The following IL1RAPL1 variants were observed in gnomAD, a reference collection of about 807,000 sequenced individuals.
The protein encoded by IL1RAPL1 is interleukin-1 receptor accessory protein-like 1.
IL1RAPL1 carries 3 observed loss-of-function variants against 48.4 expected under a neutral mutation model. That is an observed-to-expected ratio of 0.06 (90% CI 0.03 to 0.16). IL1RAPL1 has a LOEUF of 0.16. Among genes scored for constraint, IL1RAPL1 ranks in the 10% least tolerant of loss-of-function variants. The pLI is 1.00. For synonymous variants in IL1RAPL1, 185 were observed against 187.7 expected (o/e 0.99, Z 0.12); for missense variants, 349 against 530.6 (o/e 0.66, Z 3.36).
intron 6 of IL1RAPL1, among the ~76,000 whole-genome samples, chrX:29,756,506 A>G (rs754841553): frequency 2.1e-4 from 23 of 110,940 alleles, no homozygotes; most frequent in Non-Finnish European, 4.0e-4. Flanking sequence ...TCTGCCTCCC[A>G]GGTTCAAGCG....
At chrX:29,114,802 G>A (rs1928644547) in intron 2 of IL1RAPL1, among the ~76,000 whole-genome samples, 1 of 109,929 alleles carries the variant, frequency 9.1e-6, no homozygotes. Context: ...GCTAATTTTT[G>A]TATTTTTAGT....
chrX:29,833,021 C>A (rs1930916645), intron 6 of IL1RAPL1, among the ~76,000 whole-genome samples: 1 of 111,267 alleles, frequency 9.0e-6, no homozygotes, highest in African/African-American at 3.3e-5. Context: ...TAAATACCCA[C>A]AACTACCCCC....
intron 2 of IL1RAPL1, among the ~76,000 whole-genome samples, chrX:28,972,382 A>G (rs769033521): frequency 1.8e-4 from 20 of 112,398 alleles, no homozygotes; most frequent in African/African-American, 5.5e-4. Flanking sequence ...CTTGATATAC[A>G]GAAAGATTAA....
chrX:28,990,400 T>C (rs1215529753), intron 2 of IL1RAPL1, among the ~76,000 whole-genome samples: 10 of 112,117 alleles, frequency 8.9e-5, no homozygotes, highest in Non-Finnish European at 1.3e-4. Flanking sequence ...TTCGTTGATC[T>C]GGATAGGAGA....
chrX:28,609,335 C>CA (rs1440729233), intron 1 of IL1RAPL1, among the ~76,000 whole-genome samples: 1 of 111,187 alleles, frequency 9.0e-6, no homozygotes. Context: ...CAAAAAGCCC[C>CA]AAGATCACTG....
intron 5 of IL1RAPL1, among the ~76,000 whole-genome samples, chrX:29,434,471 G>C (rs781737048): frequency 9.0e-6 from 1 of 110,690 alleles, no homozygotes; most frequent in Non-Finnish European, 1.9e-5. Flanking sequence ...ATATTTTAAC[G>C]TGCTGGTCAT....
chrX:29,273,808 C>T (rs1237957703), intron 2 of IL1RAPL1, among the ~76,000 whole-genome samples: 1 of 109,235 alleles, frequency 9.2e-6, no homozygotes, highest in African/African-American at 3.3e-5. Flanking sequence ...TGGTAGCATC[C>T]ATGCGTGTAT....
At chrX:29,080,964 CTTTCTTTCTTTCTT>C (rs1927799897) in intron 2 of IL1RAPL1, among the ~76,000 whole-genome samples, 3 of 41,539 alleles carry the variant, frequency 7.2e-5, no homozygotes, top group African/African-American at 3.6e-4. Context: ...TTCTTTCTTT[CTTTCTTTCTTTCTT>C]TCTTTCTTTC....
intron 2 of IL1RAPL1, among the ~76,000 whole-genome samples, chrX:29,058,200 C>T (rs945042198): frequency 9.1e-6 from 1 of 109,724 alleles, no homozygotes; most frequent in Non-Finnish European, 1.9e-5. Context: ...ATGGTGAAAC[C>T]CCCCCGTCTC....
chrX:29,019,426 A>C (rs190300878), intron 2 of IL1RAPL1, among the ~76,000 whole-genome samples: 2 of 111,309 alleles, frequency 1.8e-5, no homozygotes, highest in African/African-American at 6.5e-5. Flanking sequence ...TATCTCAAGA[A>C]AACTGTTATT....
At chrX:29,479,987 A>G (rs1168353026) in intron 5 of IL1RAPL1, among the ~76,000 whole-genome samples, 1 of 110,091 alleles carries the variant, frequency 9.1e-6, no homozygotes, top group East Asian at 2.8e-4. Flanking sequence ...ATGCACATGC[A>G]TGTGTCTTTT....
intron 2 of IL1RAPL1, among the ~76,000 whole-genome samples, chrX:28,804,168 T>C (rs911608106): frequency 9.0e-6 from 1 of 111,575 alleles, no homozygotes; most frequent in Admixed American, 9.6e-5. Context: ...CTATAGGCAT[T>C]GTCCTTTCAT....
chrX:28,632,080 T>C, intron 1 of IL1RAPL1, among the ~76,000 whole-genome samples: 1 of 112,344 alleles, frequency 8.9e-6, no homozygotes, highest in Non-Finnish European at 1.9e-5. Flanking sequence ...AATGTATTAA[T>C]TTACTAGGGC....
At chrX:28,721,483 T>G (rs910305365) in intron 1 of IL1RAPL1, among the ~76,000 whole-genome samples, 5 of 111,918 alleles carry the variant, frequency 4.5e-5, no homozygotes, top group African/African-American at 1.6e-4. Context: ...CTTTGTGGAT[T>G]CTGGATATTA....
chrX:29,306,609 T>C (rs1488354933), intron 3 of IL1RAPL1, among the ~76,000 whole-genome samples: 1 of 100,425 alleles, frequency 1.0e-5, no homozygotes, highest in Non-Finnish European at 2.0e-5. Context: ...ATGCCTATAA[T>C]CCCAGCATTT....
At chrX:29,178,909 T>G (rs1405349830) in intron 2 of IL1RAPL1, among the ~76,000 whole-genome samples, 1 of 111,612 alleles carries the variant, frequency 9.0e-6, no homozygotes, top group Non-Finnish European at 1.9e-5. Flanking sequence ...TGGTTGTAGA[T>G]GTGTGGAATT....
intron 5 of IL1RAPL1, among the ~76,000 whole-genome samples, chrX:29,514,868 T>G (rs1602273588): frequency 2.7e-5 from 3 of 112,851 alleles, no homozygotes. Flanking sequence ...GTGAAATCAA[T>G]CAAGTTGTTG....
intron 1 of IL1RAPL1, among the ~76,000 whole-genome samples, chrX:28,694,497 G>A (rs1006633616): frequency 1.8e-5 from 2 of 111,936 alleles, no homozygotes; most frequent in African/African-American, 6.5e-5. Flanking sequence ...CAACACATAG[G>A]CAGTGTGAAC....
In IL1RAPL1 at chrX:29,766,287, C is replaced by G. The variant is rs1455313993; in HGVS notation, c.778+97783C>G. Among the ~76,000 whole-genome samples the G allele has an allele frequency of 3.3e-5, 3 of 91,125 alleles. No homozygotes were observed. The East Asian group carries it at 1.0e-3, about 31-fold the overall frequency. 79.1% of individuals were successfully genotyped at this position (91,125 alleles called of 115,157 possible). A position where few individuals can be genotyped will look rare whatever the true frequency, so the allele number is the denominator to read the frequency against. On this transcript the variant is annotated intron_variant, in intron 6 of 10. Transcript: ENST00000378993. ...AGGTTGCAGTGAGCCAATATCATGCCTTTGCACTCCAGCCTGGGAGACAGA... is the reference window on the plus strand; with the variant it reads ...AGGTTGCAGTGAGCCAATATCATGCGTTTGCACTCCAGCCTGGGAGACAGA...
Sources: gnomAD v4.1 joint callset for allele counts (sites outside exome capture counted in the v4.1 genomes callset) on GRCh38, gnomAD v4.1.1 for gene constraint, MANE v1.5 for transcripts, NCBI Gene and HGNC (gene_info 2026-07-23, HGNC 2026-07-21) for gene names.